The following TPM3 variants were observed in gnomAD, a reference collection of about 807,000 sequenced individuals.
The protein encoded by TPM3 is tropomyosin alpha-3 chain.
In TPM3, 16 loss-of-function variants were observed where a neutral mutation model predicts 43.1. That is an observed-to-expected ratio of 0.37 (90% CI 0.25 to 0.56). The LOEUF (loss-of-function observed/expected upper bound fraction) is 0.56. TPM3 is among the 20% of genes least tolerant of loss of function. The probability of loss-of-function intolerance (pLI) is 0.77; values close to 1 mark genes in which losing one functional copy is unlikely to be tolerated. For missense variants in TPM3, 176 were observed against 337.2 expected, an observed-to-expected ratio of 0.52 and a Z score of 3.74; for synonymous variants, 101 against 116.9, an observed-to-expected ratio of 0.86 and a Z score of 0.88.
chr1:154,184,953 G>C (rs1044383942), intron 2 of TPM3, among the ~76,000 whole-genome samples: 1 of 151,688 alleles, frequency 6.6e-6, no homozygotes, highest in South Asian at 2.1e-4. Context: ...GATCCTTCAT[G>C]CAACAGCCAG....
chr1:154,177,888 C>T (rs1002511610), intron 2 of TPM3, among the ~76,000 whole-genome samples: 3 of 152,180 alleles, frequency 2.0e-5, no homozygotes, highest in Non-Finnish European at 4.4e-5. Context: ...CAAAGAAAAT[C>T]GAGAAGTCAA....
chr1:154,164,417 C>G lies in TPM3; in HGVS notation c.*3520G>C, dbSNP rs953108053. Among the ~76,000 whole-genome samples the G allele has an allele frequency of 3.9e-5, 6 of 152,186 alleles. No homozygotes were observed. Among genetic ancestry groups the G allele is most frequent in the Non-Finnish European group, 7.3e-5 (5 of 68,032 alleles). On this transcript the variant is annotated 3_prime_UTR_variant, in exon 10 of 10. Transcript: ENST00000651641. The stretch of plus-strand genomic sequence containing the variant: ...TCAAGAAATCCTCTCACCTCAGCCT[C>G]CTAAAGTGCAGGGATTACAGGCATG...
chr1:154,167,904 G>T lies in TPM3; in HGVS notation c.*33C>A. 2 of 1,614,026 alleles carry T rather than the reference G, an allele frequency of 1.2e-6. No homozygotes were observed. The highest frequency in any genetic ancestry group is 1.7e-6 in the Non-Finnish European group (2 of 1,179,972). The stretch of plus-strand genomic sequence containing the variant: ...CTTGGGTTCCCCGAGGAGTAAAGGG[G>T]GCAGATCCAGAACAGAGCAGAAACG... On this transcript the variant is annotated 3_prime_UTR_variant, in exon 10 of 10. Transcript: ENST00000651641.
chr1:154,174,789 C>T (rs546745514), intron 3 of TPM3, among the ~76,000 whole-genome samples: 47 of 151,524 alleles, frequency 3.1e-4, no homozygotes, highest in South Asian at 1.5e-3. Context: ...CCACTGCGCC[C>T]GGCCCTCACT....
At chr1:154,158,803 C>T (rs1660066557), downstream of TPM3, 1 of 639,782 alleles carries the variant, frequency 1.6e-6, no homozygotes, top group South Asian at 1.6e-5. Flanking sequence ...CAATGGTCAA[C>T]TTCACAATGC....
Position 154,166,768 on chromosome 1 carries a change from G to A in TPM3, c.*1169C>T, listed in dbSNP as rs1434017287. The A allele has an allele frequency of 1.8e-5, 16 of 866,718 alleles. No individual in the cohort carries two copies. Among genetic ancestry groups the A allele is most frequent in the Admixed American group, 1.3e-4 (2 of 15,868 alleles). The allele number at this position is 866,718 out of a possible 1,614,324, so 53.7% of individuals were successfully genotyped here. On this transcript the variant is annotated 3_prime_UTR_variant, in exon 10 of 10. Transcript: ENST00000651641. ...GCGATCTCCGCTCACTGCAACCTCC[G>A]CCTCCCAGGTGCAAGCGATTCTCCT...
At chr1:154,181,951 G>T (rs1663002016) in intron 2 of TPM3, among the ~76,000 whole-genome samples, 1 of 152,060 alleles carries the variant, frequency 6.6e-6, no homozygotes. Context: ...GAAATCACTA[G>T]AATCACTGTT....
At chr1:154,172,047 C>A in intron 5 of TPM3, 1 of 1,614,144 alleles carries the variant, frequency 6.2e-7, no homozygotes, top group Non-Finnish European at 8.5e-7. Context: ...CAGCAGCACT[C>A]AGACACTTCA....
intron 3 of TPM3, among the ~76,000 whole-genome samples, chr1:154,175,825 A>G (rs893953632): frequency 6.6e-6 from 1 of 152,220 alleles, no homozygotes; most frequent in Non-Finnish European, 1.5e-5. Context: ...TATGCAGAAT[A>G]GAAAGGAGAT....
At chr1:154,177,048 C>A (rs1489457556) in intron 2 of TPM3, among the ~76,000 whole-genome samples, 1 of 151,716 alleles carries the variant, frequency 6.6e-6, no homozygotes, top group Non-Finnish European at 1.5e-5. Context: ...AACCGTTATT[C>A]CTATGATCAC....
In TPM3 at chr1:154,163,082, T is replaced by G. The variant is rs975213623; in HGVS notation, c.*4855A>C. 3.3e-5 allele frequency among the ~76,000 whole-genome samples: 5 copies of G among 152,178 alleles called. No homozygotes were observed. The highest frequency in any genetic ancestry group is 7.3e-5 in the Non-Finnish European group (5 of 68,040). ...CCTCGGCTTCCCAAAGTGTTGGGAT[T>G]ACAGGCATGAGCCACCATGCCCGGT... On this transcript the variant is annotated 3_prime_UTR_variant, in exon 10 of 10. Coordinates refer to ENST00000651641, the MANE Select transcript of TPM3 (RefSeq NM_152263.4).
chr1:154,174,407 T>TATATATATATATATATATATACACACAC (rs1261318136), intron 3 of TPM3, among the ~76,000 whole-genome samples: 1 of 72,678 alleles, frequency 1.4e-5, no homozygotes, highest in African/African-American at 5.0e-5. Flanking sequence ...TATATATATA[T>TATATATATATATATATATATACACACAC]ACACACAAAA....
In TPM3 at chr1:154,167,475, A is replaced by G; in HGVS notation, c.*462T>C. Reference sequence around the variant, plus strand: ...ACACTGCAGGCAGGATGATTTAAGAACCTGGAAATAAGGAATTTAATCTTG... The same window carrying G: ...ACACTGCAGGCAGGATGATTTAAGAGCCTGGAAATAAGGAATTTAATCTTG... On this transcript the variant is annotated 3_prime_UTR_variant, in exon 10 of 10. Transcript: ENST00000651641. 1.9e-6 allele frequency: 2 copies of G among 1,078,604 alleles called. No homozygotes were observed. The highest frequency in any genetic ancestry group is 2.3e-6 in the Non-Finnish European group (2 of 886,150). 66.8% of individuals were successfully genotyped at this position (1,078,604 alleles called of 1,614,324 possible).
At position 154,165,562 on chromosome 1, in the gene TPM3, G is replaced by A. The variant is rs1031005707; in HGVS notation, c.*2375C>T. Among the ~76,000 whole-genome samples, 1 of 151,764 alleles carries A rather than the reference G, an allele frequency of 6.6e-6. No homozygotes were observed. The highest frequency in any genetic ancestry group is 1.5e-5 in the Non-Finnish European group (1 of 67,962). ...CCATCACTTTGGGAGGCTGAGGTGG[G>A]TGGATCACTTGAGGTCAGGAGTTCC... On this transcript the variant is annotated 3_prime_UTR_variant, in exon 10 of 10. Coordinates refer to ENST00000651641, the MANE Select transcript of TPM3 (RefSeq NM_152263.4).
chr1:154,191,218 T>G lies in TPM3; in HGVS notation c.211A>C (p.Lys71Gln). 5 of 1,614,202 alleles carry G rather than the reference T, an allele frequency of 3.1e-6. No individual in the cohort carries two copies. Among genetic ancestry groups the G allele is most frequent in the Non-Finnish European group, 4.2e-6 (5 of 1,180,034 alleles). Residue 71 changes from lysine to glutamine, a missense_variant, in exon 2 of 10, where the codon AAG becomes CAG. Transcript: ENST00000651641. ...YSEALKDAQEKLELAEKKAAD... is the reference protein window; with the variant it reads ...YSEALKDAQEQLELAEKKAAD... ...GCCTTCTTCTCTGCCAGTTCCAGCT[T>G]CTCCTGGGCATCCTTCAAAGCTTCA...
intron 2 of TPM3, chr1:154,183,731 C>A: frequency 6.0e-6 from 1 of 167,204 alleles, no homozygotes; most frequent in South Asian, 1.3e-4. Context: ...TTCTCTCTCC[C>A]GTCTCCTGGA....
downstream of TPM3, among the ~76,000 whole-genome samples, chr1:154,161,131 TAA>T (rs953940037): frequency 7.2e-4 from 61 of 85,084 alleles, no homozygotes; most frequent in African/African-American, 2.3e-3. Context: ...ATGCAAATAT[TAA>T]AAAAAAAAAA....
In TPM3 at chr1:154,167,916, A is replaced by C; in HGVS notation, c.*21T>G. 6.2e-7 allele frequency: 1 copy of C among 1,614,136 alleles called. No individual in the cohort carries two copies. ...GAGGAGTAAAGGGGGCAGATCCAGA[A>C]CAGAGCAGAAACGGTGATAATTATC... On this transcript the variant is annotated 3_prime_UTR_variant, in exon 10 of 10. Coordinates refer to ENST00000651641, the MANE Select transcript of TPM3 (RefSeq NM_152263.4).
At chr1:154,191,578 C>A in intron 1 of TPM3, 1 of 1,358,684 alleles carries the variant, frequency 7.4e-7, no homozygotes, top group Non-Finnish European at 9.6e-7. Flanking sequence ...TGTAGATGCC[C>A]GTGATGCTAT....
Sources: allele counts gnomAD v4.1 joint callset (sites outside exome capture counted in the v4.1 genomes callset), GRCh38; gene constraint gnomAD v4.1.1; transcripts MANE v1.5; gene names NCBI Gene and HGNC (gene_info 2026-07-23, HGNC 2026-07-21).